MYOT: variants seen among roughly 807,000 people sequenced by gnomAD.
MYOT encodes 57 kDa cytoskeletal protein.
MYOT carries 36 observed loss-of-function variants against 58.0 expected under a neutral mutation model. That is an observed-to-expected ratio of 0.62 (90% confidence interval 0.48 to 0.82). The LOEUF (loss-of-function observed/expected upper bound fraction) is 0.82, where lower values mean the gene tolerates loss of function less well. Among genes scored for constraint, MYOT ranks in the 40% least tolerant of loss-of-function variants. MYOT has a pLI of 0.00. For missense variants in MYOT, 505 were observed against 592.1 expected, an observed-to-expected ratio of 0.85 and a Z score of 1.53; for synonymous variants, 218 against 204.6, an observed-to-expected ratio of 1.07 and a Z score of -0.56.
intron 2 of MYOT, 30 bp from the exon 3 acceptor site, chr5:137,875,799 T>C: frequency 6.2e-7 from 1 of 1,612,768 alleles, no homozygotes; most frequent in Non-Finnish European, 8.5e-7. Flanking sequence ...GACCTTCTTT[T>C]TAAAAATCTT....
Position 137,877,629 on chromosome 5 carries a change from A to T in MYOT, c.633+8A>T. 6.4e-7 allele frequency: 1 copy of T among 1,573,412 alleles called. No homozygotes were observed. The highest frequency in any genetic ancestry group is 8.7e-7 in the Non-Finnish European group (1 of 1,142,918). ...GGTGCACAAGACTCGCAGGTAAGTT[A>T]AAATGCTCTAAGTGGAGTATTTTTA... On this transcript the variant is annotated splice_region_variant and intron_variant, in intron 4 of 9. Transcript: ENST00000239926.
rs1561664234 is a variant in MYOT, at chr5:137,883,550, G to A, written c.983G>A (p.Arg328Lys). 7 of 1,614,142 alleles carry A rather than the reference G, an allele frequency of 4.3e-6. No homozygotes were observed. Among genetic ancestry groups the A allele is most frequent in the Non-Finnish European group, 5.9e-6 (7 of 1,180,012 alleles). Reference sequence around the variant, plus strand: ...GCTTATGCATGTGTTGCCAAGAATAGAGCAGGAGAAGCCACCTTCACTGTG... The same window carrying A: ...GCTTATGCATGTGTTGCCAAGAATAAAGCAGGAGAAGCCACCTTCACTGTG... ...AGAYACVAKN[R>K]AGEATFTVQL... is the part of the protein sequence containing the mutation. The change falls in exon 7 of 10, where the codon AGA becomes AAA. Residue 328 changes from arginine to lysine, a missense_variant. By Grantham distance (26) the Arg-to-Lys change is conservative (BLOSUM62 2). Coordinates refer to ENST00000239926, the MANE Select transcript of MYOT (RefSeq NM_006790.3).
At chr5:137,876,476 A>C (rs1226365188) in intron 3 of MYOT, among the ~76,000 whole-genome samples, 1 of 152,228 alleles carries the variant, frequency 6.6e-6, no homozygotes, top group Non-Finnish European at 1.5e-5. Context: ...CTCAATCAGA[A>C]GTTAGTACAA....
intron 2 of MYOT, among the ~76,000 whole-genome samples, chr5:137,874,654 A>C (rs1039339045): frequency 6.6e-6 from 1 of 152,168 alleles, no homozygotes; most frequent in Non-Finnish European, 1.5e-5. Context: ...AGGGGCAAGG[A>C]CATCATAGAA....
intron 4 of MYOT, among the ~76,000 whole-genome samples, chr5:137,878,684 G>A (rs904794187): frequency 2.6e-5 from 4 of 151,768 alleles, no homozygotes; most frequent in East Asian, 2.0e-4. Context: ...TTAGCTGGGC[G>A]TGGTGGCCTG....
At chr5:137,883,918 T>C (rs142426253) in intron 7 of MYOT, among the ~76,000 whole-genome samples, 45 of 152,220 alleles carry the variant, frequency 3.0e-4, no homozygotes, top group African/African-American at 9.4e-4. Context: ...AACTATAGAG[T>C]CTCAAAATGA....
rs1185151880 is a variant in MYOT at position 137,883,596 on chromosome 5, GC to G, written c.1024+7del. On this transcript the variant is annotated splice_donor_region_variant and intron_variant, in intron 7 of 9. Coordinates refer to ENST00000239926, the MANE Select transcript of MYOT (RefSeq NM_006790.3). ...CTGTGCAGCTGGATGTCCTTGGTAA[GC>G]CTCCAAAGAGACCCTTGAGAATTCC... 1.2e-6 allele frequency: 2 copies of G among 1,613,294 alleles called. No homozygotes were observed. Among genetic ancestry groups the G allele is most frequent in the Non-Finnish European group, 1.7e-6 (2 of 1,179,262 alleles).
At chr5:137,876,137 G>T (rs1334312937) in intron 3 of MYOT, 134 bp downstream of exon 3, 5 of 944,026 alleles carry the variant, frequency 5.3e-6, no homozygotes, top group Non-Finnish European at 8.0e-6. Context: ...AGGAATATTT[G>T]GGCCCTATTC....
intron 7 of MYOT, 22 bp from the exon 8 acceptor site, chr5:137,886,026 G>T: frequency 2.1e-6 from 3 of 1,460,370 alleles, no homozygotes; most frequent in East Asian, 2.3e-5. Context: ...TCAAATACTT[G>T]AATTTTTGTA....
chr5:137,887,532 C>CT lies in MYOT; in HGVS notation c.*150dup. 1.8e-6 allele frequency: 1 copy of CT among 546,346 alleles called. No individual in the cohort carries two copies. Among genetic ancestry groups the CT allele is most frequent in the Non-Finnish European group, 2.7e-6 (1 of 370,534 alleles). 33.8% of individuals were successfully genotyped at this position (546,346 alleles called of 1,614,324 possible). ...ATATATATTTATAATATTATTTATCCTTTGACTCTTGCACATTCTATGTAC... is the reference window on the plus strand; with the variant it reads ...ATATATATTTATAATATTATTTATCCTTTTGACTCTTGCACATTCTATGTAC... On this transcript the variant is annotated 3_prime_UTR_variant, in exon 10 of 10. Coordinates refer to ENST00000239926, the MANE Select transcript of MYOT (RefSeq NM_006790.3).
intron 7 of MYOT, among the ~76,000 whole-genome samples, chr5:137,885,453 C>G (rs1302047712): frequency 6.6e-6 from 1 of 152,072 alleles, no homozygotes; most frequent in African/African-American, 2.4e-5. Context: ...TGCTGCCTCC[C>G]TGTAGATGAG....
chr5:137,877,210 T>C (rs1755255229), intron 3 of MYOT, among the ~76,000 whole-genome samples: 1 of 151,160 alleles, frequency 6.6e-6, no homozygotes, highest in South Asian at 2.1e-4. Flanking sequence ...CTACTAAAAA[T>C]ACAAAAAATT....
chr5:137,870,649 A>G lies in MYOT; in HGVS notation c.-3A>G. On this transcript the variant is annotated 5_prime_UTR_variant, in exon 2 of 10. Transcript: ENST00000239926. ...GCCTTCATCTTCCATATACCAACTA[A>G]GCATGTTTAACTACGAACGTCCAAA... is the stretch of plus-strand genomic sequence containing the variant. 6.2e-7 allele frequency: 1 copy of G among 1,612,808 alleles called. No individual in the cohort carries two copies. The highest frequency in any genetic ancestry group is 2.2e-5 in the East Asian group (1 of 44,874).
chr5:137,881,556 C>A (rs1404787230), intron 5 of MYOT, among the ~76,000 whole-genome samples: 1 of 152,012 alleles, frequency 6.6e-6, no homozygotes, highest in Non-Finnish European at 1.5e-5. Flanking sequence ...CCCAGCTACT[C>A]GGGAGGCTGA....
intron 4 of MYOT, 79 bp downstream of exon 4, chr5:137,877,700 A>T: frequency 1.9e-6 from 2 of 1,040,708 alleles, no homozygotes; most frequent in Non-Finnish European, 3.0e-6. Context: ...GCTTATAAAT[A>T]GCATCTGAAA....
intron 4 of MYOT, among the ~76,000 whole-genome samples, chr5:137,879,819 A>C (rs187423211): frequency 1.5e-4 from 22 of 151,570 alleles, no homozygotes; most frequent in Admixed American, 1.4e-3. Flanking sequence ...TACAGGCGTG[A>C]GCCACTGTGC....
At chr5:137,880,657 A>G in intron 4 of MYOT, 159 bp from the exon 5 acceptor site, 1 of 628,054 alleles carries the variant, frequency 1.6e-6, no homozygotes, top group Non-Finnish European at 2.9e-6. Context: ...ATGTTAGTGC[A>G]CTGTACTTTA....
At chr5:137,877,486 A>C in intron 3 of MYOT, 34 bp from the exon 4 acceptor site, 14 of 1,442,410 alleles carry the variant, frequency 9.7e-6, no homozygotes, top group Non-Finnish European at 1.4e-5. Context: ...ATCTTTTATT[A>C]AATCTAATTA....
intron 2 of MYOT, among the ~76,000 whole-genome samples, chr5:137,875,606 T>C (rs1314533680): frequency 6.6e-6 from 1 of 152,192 alleles, no homozygotes; most frequent in Non-Finnish European, 1.5e-5. Context: ...ATCCTCCTTA[T>C]GTCTAATCTA....
Sources: allele counts gnomAD v4.1 joint callset (sites outside exome capture counted in the v4.1 genomes callset), GRCh38; gene constraint gnomAD v4.1.1; transcripts MANE v1.5; gene names NCBI Gene and HGNC (gene_info 2026-07-23, HGNC 2026-07-21).